ERC2: variants seen among roughly 807,000 people sequenced by gnomAD.
The protein encoded by ERC2 is ERC protein 2.
A neutral mutation model predicts 114.8 loss-of-function variants in ERC2; 42 were observed. The ratio of observed to expected loss-of-function variants is 0.37; its 90% CI spans 0.29 to 0.47. The LOEUF (loss-of-function observed/expected upper bound fraction) is 0.47, where lower values mean the gene tolerates loss of function less well. ERC2 is among the 20% of genes least tolerant of loss of function. The pLI is 0.99. For synonymous variants in ERC2, 454 were observed against 425.5 expected (o/e 1.07, Z -0.82); for missense variants, 939 against 1,150.7 (o/e 0.82, Z 2.66).
chr3:55,715,400 A>T lies in ERC2; in HGVS notation c.2713-15888T>A, dbSNP rs1316107793. Among the ~76,000 whole-genome samples the T allele has an allele frequency of 3.9e-5, 6 of 152,298 alleles. No homozygotes were observed. The East Asian group carries it at 1.2e-3, about 29-fold the overall frequency. On this transcript the variant is annotated intron_variant, in intron 15 of 17. Coordinates refer to ENST00000288221, the MANE Select transcript of ERC2 (RefSeq NM_015576.3). ...AATAGTATAGCTCTAAGTTCAGAAA[A>T]TATCTTTTAATAATACAGCGATGCA...
chr3:56,206,482 A>G (rs1423622960), intron 3 of ERC2, among the ~76,000 whole-genome samples: 1 of 152,172 alleles, frequency 6.6e-6, no homozygotes, highest in Non-Finnish European at 1.5e-5. Context: ...GTTACAAGGG[A>G]CCCCAGGATA....
At chr3:56,447,895 A>C (rs11708250) in intron 1 of ERC2, among the ~76,000 whole-genome samples, 40,009 of 151,758 alleles carry the variant, frequency 0.26, 5,947 homozygotes, top group Middle Eastern at 0.39. Context: ...GGTGCCCACC[A>C]CCAAGCCCAG....
rs1299995269 is a variant in ERC2, at chr3:56,341,568, G to A, written c.658-45133C>T. ...CCTCTGTGAATGGCTTGAGTCATGA[G>A]CTTGCCAATCTTTTAGGGGCAAAAA... On this transcript the variant is annotated intron_variant, in intron 2 of 17. Coordinates refer to ENST00000288221, the MANE Select transcript of ERC2 (RefSeq NM_015576.3). Among the ~76,000 whole-genome samples, 4 of 151,562 alleles carry A rather than the reference G, an allele frequency of 2.6e-5. No homozygotes were observed. In the East Asian group the frequency reaches 7.8e-4, roughly 29 times the overall value.
At chr3:55,541,171 C>G (rs1046583017) in intron 17 of ERC2, among the ~76,000 whole-genome samples, 1 of 152,198 alleles carries the variant, frequency 6.6e-6, no homozygotes, top group Non-Finnish European at 1.5e-5. Flanking sequence ...GTGAAGTCAT[C>G]AAGTCTTGAA....
chr3:55,990,874 C>T (rs1368189703), intron 11 of ERC2, among the ~76,000 whole-genome samples: 1 of 152,196 alleles, frequency 6.6e-6, no homozygotes, highest in East Asian at 1.9e-4. Flanking sequence ...CAGATGATTG[C>T]TTGAGTCCAG....
chr3:55,889,632 C>G lies in ERC2; in HGVS notation c.2404-1083G>C, dbSNP rs571455301. 4.6e-5 allele frequency among the ~76,000 whole-genome samples: 7 copies of G among 152,240 alleles called. No individual in the cohort carries two copies. The South Asian group carries it at 1.5e-3, about 32-fold the overall frequency. ...GTTCCAAAGACTTCCGTGGAGCAAG[C>G]TGGTGAAATGCCATCCCTTGCACAG... On this transcript the variant is annotated intron_variant, in intron 13 of 17. Transcript: ENST00000288221.
chr3:56,334,117 C>T (rs1303034615), intron 2 of ERC2, among the ~76,000 whole-genome samples: 1 of 152,194 alleles, frequency 6.6e-6, no homozygotes, highest in East Asian at 1.9e-4. Context: ...TGGTCTTATA[C>T]CCTTCTAGCA....
intron 12 of ERC2, among the ~76,000 whole-genome samples, chr3:55,977,710 C>T (rs1014101257): frequency 1.3e-5 from 2 of 152,160 alleles, no homozygotes; most frequent in Non-Finnish European, 2.9e-5. Context: ...CCTAGCAATT[C>T]CACATTTAGG....
At chr3:55,848,016 C>T (rs1385663230) in intron 14 of ERC2, among the ~76,000 whole-genome samples, 1 of 152,094 alleles carries the variant, frequency 6.6e-6, no homozygotes, top group East Asian at 1.9e-4. Context: ...AGGCTGGTCT[C>T]CAACCTCTGG....
At chr3:56,097,794 A>T (rs1000639745) in intron 6 of ERC2, among the ~76,000 whole-genome samples, 9 of 152,282 alleles carry the variant, frequency 5.9e-5, no homozygotes, top group Admixed American at 3.9e-4. Context: ...ACACCCACAA[A>T]CTAAGGGGCT....
At chr3:55,789,114 T>C (rs1482678675) in intron 14 of ERC2, among the ~76,000 whole-genome samples, 1 of 152,258 alleles carries the variant, frequency 6.6e-6, no homozygotes, top group Admixed American at 6.5e-5. Context: ...TCATGCTCAT[T>C]GTTCTAGAGC....
intron 12 of ERC2, among the ~76,000 whole-genome samples, chr3:55,951,233 T>G (rs527720942): frequency 6.6e-6 from 1 of 152,336 alleles, no homozygotes; most frequent in South Asian, 2.1e-4. Flanking sequence ...GTTCTAATTA[T>G]TATTATTATT....
intron 6 of ERC2, among the ~76,000 whole-genome samples, chr3:56,085,119 C>T (rs373714039): frequency 3.9e-5 from 6 of 152,180 alleles, no homozygotes; most frequent in Non-Finnish European, 5.9e-5. Context: ...GGCAGGAATC[C>T]GTTTTTGGTA....
chr3:55,540,704 T>G (rs933159463), intron 17 of ERC2, among the ~76,000 whole-genome samples: 5 of 152,194 alleles, frequency 3.3e-5, no homozygotes, highest in Non-Finnish European at 5.9e-5. Flanking sequence ...AAAGCCACAT[T>G]CACACAATGA....
Position 56,201,905 on chromosome 3 carries a change from T to C in ERC2, c.1075-28385A>G, listed in dbSNP as rs117003952. 8.0e-4 allele frequency among the ~76,000 whole-genome samples: 122 copies of C among 152,354 alleles called. 2 individuals carry two copies. In the East Asian group the frequency reaches 0.02, roughly 25 times the overall value. ...TCTTTCCTTCTGGAAGCCTGTTTTCTGGATCAGTTTCAGAAAGGATGCTTT... is the reference window on the plus strand; with the variant it reads ...TCTTTCCTTCTGGAAGCCTGTTTTCCGGATCAGTTTCAGAAAGGATGCTTT... On this transcript the variant is annotated intron_variant, in intron 3 of 17. Transcript: ENST00000288221.
In ERC2 at chr3:56,434,274, C is replaced by T; in HGVS notation, c.657+77G>A. 1.2e-5 allele frequency: 17 copies of T among 1,383,760 alleles called. No homozygotes were observed. In the South Asian group the frequency reaches 1.6e-4, roughly 13 times the overall value. The allele number at this position is 1,383,760 out of a possible 1,614,324, so 85.7% of individuals were successfully genotyped here. A position where few individuals can be genotyped will look rare whatever the true frequency, so the allele number is the denominator to read the frequency against. ...ATGCCAAACTTTCTTCTGCACAGGT[C>T]GTGGTACCATCTGCAAAGCATCAAC... On this transcript the variant is annotated intron_variant, in intron 2 of 17. Coordinates refer to ENST00000288221, the MANE Select transcript of ERC2 (RefSeq NM_015576.3).
chr3:55,684,380 G>T (rs2062220513), intron 16 of ERC2, among the ~76,000 whole-genome samples: 1 of 151,972 alleles, frequency 6.6e-6, no homozygotes, highest in Admixed American at 6.6e-5. Context: ...TTCAGCATGC[G>T]ATAATTCATA....
At chr3:56,164,548 G>A (rs909849494) in intron 4 of ERC2, among the ~76,000 whole-genome samples, 22 of 152,016 alleles carry the variant, frequency 1.4e-4, no homozygotes, top group African/African-American at 4.8e-4. Flanking sequence ...TAATGGTAGC[G>A]TGAACACTTG....
chr3:56,125,944 G>A (rs1414145728), intron 6 of ERC2, among the ~76,000 whole-genome samples: 1 of 152,092 alleles, frequency 6.6e-6, no homozygotes, highest in African/African-American at 2.4e-5. Flanking sequence ...CATTTTTAAT[G>A]TTTTATTATA....
Sources: allele counts gnomAD v4.1 joint callset (sites outside exome capture counted in the v4.1 genomes callset), GRCh38; gene constraint gnomAD v4.1.1; transcripts MANE v1.5; gene names NCBI Gene and HGNC (gene_info 2026-07-23, HGNC 2026-07-21).